Variants in DNAH2 observed in about 807,000 individuals in gnomAD.
The protein encoded by DNAH2 is axonemal beta dynein heavy chain 2.
Under a neutral mutation model 523.5 loss-of-function variants are expected in DNAH2, and 323 were observed. That is an observed-to-expected ratio of 0.62 (90% CI 0.56 to 0.68). DNAH2 has a LOEUF of 0.68. Ranked by LOEUF, DNAH2 falls within the 30% of genes least tolerant of loss-of-function variation. DNAH2 has a pLI of 0.00. For missense variants in DNAH2, 4,907 were observed against 5,701.5 expected (o/e 0.86, Z 4.49); for synonymous variants, 2,093 against 2,177.4 (o/e 0.96, Z 1.08).
intron 12 of DNAH2, chr17:7,743,433 A>C (rs2075417172): frequency 1.5e-6 from 1 of 681,442 alleles, no homozygotes; most frequent in Non-Finnish European, 2.7e-6. Flanking sequence ...TGGGAGGCTG[A>C]GGTGGGCGCA....
intron 63 of DNAH2, among the ~76,000 whole-genome samples, chr17:7,811,363 G>A (rs2077512692): frequency 1.3e-5 from 2 of 152,064 alleles, no homozygotes; most frequent in South Asian, 2.1e-4. Flanking sequence ...ATGGAAATTC[G>A]ACATCAACTA....
chr17:7,719,648 G>A (rs2074535223), intron 1 of DNAH2, 73 bp from the exon 2 acceptor site: 1 of 1,557,744 alleles, frequency 6.4e-7, no homozygotes, highest in African/African-American at 1.4e-5. Context: ...AATTCAAAAG[G>A]GACTGCTTGT....
rs2078210329 is a variant in DNAH2, at chr17:7,832,534, G to C, written c.12727-45G>C. The C allele has an allele frequency of 6.3e-7, 1 of 1,592,948 alleles. No individual in the cohort carries two copies. Among genetic ancestry groups the C allele is most frequent in the Non-Finnish European group, 8.6e-7 (1 of 1,167,128 alleles). Reference sequence around the variant, plus strand: ...CTAAATAAATAAATAATACGGATTTGAATGCACGGCTAAATGAGTGAATAC... The same window carrying C: ...CTAAATAAATAAATAATACGGATTTCAATGCACGGCTAAATGAGTGAATAC... On this transcript the variant is annotated intron_variant, in intron 82 of 85. Transcript: ENST00000572933. This position sits in a 1 kb window ranked among gnomAD's most constrained non-coding sequence, Gnocchi z 4.3.
chr17:7,796,864 C>G (rs1173223284), intron 50 of DNAH2, among the ~76,000 whole-genome samples: 1 of 145,762 alleles, frequency 6.9e-6, no homozygotes, highest in African/African-American at 2.6e-5. Context: ...CCAACGCAGG[C>G]AGATCACCTG....
rs369765293 is a variant in DNAH2 at position 7,723,692 on chromosome 17, A to G, written c.228+3A>G. Reference sequence around the variant, plus strand: ...CAGTGGAGCCCGAGGCAGATGTGGTAGGCTTGGGTCTTCCCTGTGGCAGAT... The same window carrying G: ...CAGTGGAGCCCGAGGCAGATGTGGTGGGCTTGGGTCTTCCCTGTGGCAGAT... On this transcript the variant is annotated splice_donor_region_variant and intron_variant, in intron 3 of 85. Transcript: ENST00000572933. 1.2e-6 allele frequency: 2 copies of G among 1,613,764 alleles called. No homozygotes were observed. The highest frequency in any genetic ancestry group is 1.3e-5 in the African/African-American group (1 of 74,916).
In DNAH2 at chr17:7,823,523, G is replaced by C. The variant is rs753196816; in HGVS notation, c.11224G>C (p.Asp3742His). Reference sequence around the variant, plus strand: ...CTACTGGGATAACATCACAGAGCTAGACAAACTGACCAACTTCCACGGACT... The same window carrying C: ...CTACTGGGATAACATCACAGAGCTACACAAACTGACCAACTTCCACGGACT... ...DAYWDNITEL[D>H]KLTNFHGLMN... The change falls in exon 74 of 86, where the codon GAC becomes CAC. Residue 3742 changes from aspartate (D) to histidine (H), a missense_variant. By Grantham distance (81) the Asp-to-His change is moderately conservative. Transcript: ENST00000572933. The C allele has an allele frequency of 6.2e-7, 1 of 1,614,140 alleles. No individual in the cohort carries two copies. Among genetic ancestry groups the C allele is most frequent in the South Asian group, 1.1e-5 (1 of 91,078 alleles).
chr17:7,819,192 C>A lies in DNAH2; in HGVS notation c.10816-17C>A, dbSNP rs374344935. The A allele has an allele frequency of 1.9e-6, 3 of 1,612,472 alleles. No homozygotes were observed. Among genetic ancestry groups the A allele is most frequent in the East Asian group, 2.2e-5 (1 of 44,886 alleles). On this transcript the variant is annotated splice_polypyrimidine_tract_variant and intron_variant, in intron 71 of 85. Transcript: ENST00000572933. ...ACGTCCCTCAGTGGCCCTGACTCCACCCATCCCCACCGGCAGGCTTACCGC... is the reference window on the plus strand; with the variant it reads ...ACGTCCCTCAGTGGCCCTGACTCCAACCATCCCCACCGGCAGGCTTACCGC...
At chr17:7,763,244 C>T (rs145995959) in intron 18 of DNAH2, among the ~76,000 whole-genome samples, 4,648 of 152,214 alleles carry the variant, frequency 0.031, 211 homozygotes, top group African/African-American at 0.1. Context: ...CTGCAAGCTC[C>T]GCCTCCCAGT....
chr17:7,811,664 A>C (rs2077521066), intron 63 of DNAH2, among the ~76,000 whole-genome samples: 1 of 152,202 alleles, frequency 6.6e-6, no homozygotes, highest in South Asian at 2.1e-4. Context: ...GGGACAAACA[A>C]GCTTTCTTGG....
chr17:7,775,162 T>C, intron 29 of DNAH2, 79 bp from the exon 30 acceptor site: 1 of 1,450,478 alleles, frequency 6.9e-7, no homozygotes, highest in Non-Finnish European at 9.5e-7. Context: ...GCAGTAATTA[T>C]CCTCAAAAGG....
intron 49 of DNAH2, among the ~76,000 whole-genome samples, chr17:7,794,871 C>T (rs915074019): frequency 4.0e-5 from 6 of 151,374 alleles, no homozygotes; most frequent in African/African-American, 1.2e-4. Context: ...TCTCCTGCCT[C>T]AGCCTCCAGA....
chr17:7,804,140 T>G, intron 58 of DNAH2, 116 bp from the exon 59 acceptor site: 1 of 1,039,430 alleles, frequency 9.6e-7, no homozygotes, highest in East Asian at 2.6e-5. Flanking sequence ...GGGGGTAGTG[T>G]TGGTGGCAAC....
At chr17:7,789,455 A>G (rs2076836916) in intron 44 of DNAH2, among the ~76,000 whole-genome samples, 1 of 152,186 alleles carries the variant, frequency 6.6e-6, no homozygotes, top group Non-Finnish European at 1.5e-5. Flanking sequence ...GGGCTGGACC[A>G]TGAGGATGGT....
chr17:7,751,524 A>G (rs988578580), intron 12 of DNAH2, among the ~76,000 whole-genome samples: 1 of 152,112 alleles, frequency 6.6e-6, no homozygotes, highest in African/African-American at 2.4e-5. Flanking sequence ...GTGCAGATTC[A>G]AATTGAGTTT....
In DNAH2 at chr17:7,798,903, C is replaced by T. The variant is rs532847750; in HGVS notation, c.8559+185C>T. Among the ~76,000 whole-genome samples the T allele has an allele frequency of 1.1e-4, 16 of 152,346 alleles. No homozygotes were observed. The South Asian group carries it at 2.1e-3, about 20-fold the overall frequency. The stretch of plus-strand genomic sequence containing the variant: ...CTGGGCAGAGCTGCTTTAAAACCCA[C>T]GCTTCAGAGCCAGGCACAGTGGCTT... On this transcript the variant is annotated intron_variant, in intron 55 of 85. Coordinates refer to ENST00000572933, the MANE Select transcript of DNAH2 (RefSeq NM_020877.5). The surrounding 1 kb of genome is among the most constrained non-coding windows in gnomAD (Gnocchi z 5.5).
At chr17:7,778,860 C>T (rs916712882) in intron 35 of DNAH2, among the ~76,000 whole-genome samples, 1 of 152,212 alleles carries the variant, frequency 6.6e-6, no homozygotes, top group Non-Finnish European at 1.5e-5. Context: ...TGAGCCACTG[C>T]GCCCAGCCAC....
intron 12 of DNAH2, among the ~76,000 whole-genome samples, chr17:7,749,317 A>AAAATAAAT (rs2075612613): frequency 9.7e-6 from 1 of 103,588 alleles, no homozygotes; most frequent in Non-Finnish European, 1.7e-5. Flanking sequence ...CCAAAAAAAA[A>AAAATAAAT]AAAAAAAAAA....
intron 59 of DNAH2, 21 bp from the exon 60 acceptor site, chr17:7,804,937 T>C: frequency 6.2e-7 from 1 of 1,606,094 alleles, no homozygotes; most frequent in East Asian, 2.2e-5. Context: ...CAAAAAACCC[T>C]TGTCCTTTTT....
rs1229332376 is a variant in DNAH2, at chr17:7,791,996, C to T, written c.6980C>T (p.Ala2327Val). The T allele has an allele frequency of 6.2e-7, 1 of 1,613,912 alleles. No individual in the cohort carries two copies. Among genetic ancestry groups the T allele is most frequent in the African/African-American group, 1.3e-5 (1 of 74,848 alleles). Residue 2327 changes from alanine (A) to valine (V), a missense_variant, in exon 45 of 86, where the codon GCC becomes GTC. By Grantham distance (64) the Ala-to-Val change is moderately conservative. Around this residue, in one of 3 missense-constraint regions of DNAH2, gnomAD observed 2,806 missense variants for 3,190.8 expected, o/e 0.88. Coordinates refer to ENST00000572933, the MANE Select transcript of DNAH2 (RefSeq NM_020877.5). ...TTCAGCATGATCTGGTCTGTGTGTG[C>T]CTCTGTGGATGAGGAGGGCCGGAAG... Reference protein sequence around the residue: ...FVFSMIWSVCASVDEEGRKRI... With the variant: ...FVFSMIWSVCVSVDEEGRKRI...
Sources: allele counts gnomAD v4.1 joint callset (sites outside exome capture counted in the v4.1 genomes callset), GRCh38; gene constraint gnomAD v4.1.1; regional missense constraint gnomAD v4.1.1; non-coding constraint Gnocchi (gnomAD v3.1); transcripts MANE v1.5; gene names NCBI Gene and HGNC (gene_info 2026-07-23, HGNC 2026-07-21).